The following FLAD1 variants were observed in gnomAD, a reference collection of about 807,000 sequenced individuals.
The protein encoded by FLAD1 is flavin adenine dinucleotide synthetase 1.
Under a neutral mutation model 55.0 loss-of-function variants are expected in FLAD1, and 35 were observed. The ratio of observed to expected loss-of-function variants is 0.64; its 90% CI spans 0.49 to 0.84. FLAD1 has a LOEUF of 0.84. FLAD1 is among the 40% of genes least tolerant of loss of function. FLAD1 has a pLI of 0.00. For synonymous variants in FLAD1, 267 were observed against 303.0 expected (o/e 0.88, Z 1.23); for missense variants, 665 against 742.6 (o/e 0.90, Z 1.21).
Position 154,988,563 on chromosome 1 carries a change from T to A in FLAD1, c.831T>A (p.Val277=). The A allele has an allele frequency of 6.2e-7, 1 of 1,614,210 alleles. No homozygotes were observed. The part of the protein sequence containing the change: ...GMKGLFQNPA[V]QFHSKELYVA... ...AGGGACTATTCCAAAACCCAGCTGTTCAGTTCCACTCAAAGGAGCTATATG... is the reference window on the plus strand; with the variant it reads ...AGGGACTATTCCAAAACCCAGCTGTACAGTTCCACTCAAAGGAGCTATATG... Residue 277 remains valine (V), a synonymous_variant, in exon 2 of 7, where the codon GTT becomes GTA. Transcript: ENST00000292180.
In FLAD1 at chr1:154,993,068, C is replaced by T. The variant is rs765183795; in HGVS notation, c.*31C>T. ...CACCCTAGGAGGGAGGGAAGGACAC[C>T]GTCCTAGGGTATAACCTGGCAATAA... On this transcript the variant is annotated 3_prime_UTR_variant, in exon 7 of 7. Transcript: ENST00000292180. The T allele has an allele frequency of 3.6e-5, 58 of 1,601,298 alleles. 2 individuals carry two copies. In the Middle Eastern group the frequency reaches 1.0e-3, roughly 29 times the overall value.
chr1:154,989,646 G>A lies in FLAD1; in HGVS notation c.1204G>A (p.Gly402Ser). 1 of 1,599,464 alleles carries A rather than the reference G, an allele frequency of 6.3e-7. No homozygotes were observed. ...GTACAGCCTCACCCAGCTCTGTGTG[G>A]GCTTCAACGGGGGCAAAGACTGCAC... is the stretch of plus-strand genomic sequence containing the variant. ...AQYSLTQLCV[G>S]FNGGKDCTAL... Residue 402 changes from glycine to serine, a missense_variant, in exon 3 of 7, where the codon GGC becomes AGC. Physicochemically the swap from Gly to Ser is moderately conservative, Grantham distance 56. Coordinates refer to ENST00000292180, the MANE Select transcript of FLAD1 (RefSeq NM_025207.5).
At chr1:154,990,290 G>T (rs763690147) in intron 4 of FLAD1, 33 bp downstream of exon 4, 12 of 1,613,382 alleles carry the variant, frequency 7.4e-6, no homozygotes, top group Middle Eastern at 3.3e-4. Context: ...GGCTCCAAGA[G>T]AAGCTTGACA....
Position 154,984,084 on chromosome 1 carries a change from A to G in FLAD1, c.372+18A>G. On this transcript the variant is annotated intron_variant, in intron 1 of 6. Coordinates refer to ENST00000292180, the MANE Select transcript of FLAD1 (RefSeq NM_025207.5). ...TCCTTAAGGTGTGTCTGGGACAGAA[A>G]AGGGGGGAGGGCGCTGCGTTCTCCT... 1 of 1,483,952 alleles carries G rather than the reference A, an allele frequency of 6.7e-7. No individual in the cohort carries two copies. The highest frequency in any genetic ancestry group is 9.0e-7 in the Non-Finnish European group (1 of 1,114,086). 91.9% of individuals were successfully genotyped at this position (1,483,952 alleles called of 1,614,324 possible).
At chr1:154,992,838 A>G in intron 6 of FLAD1, 52 bp downstream of exon 6, 1 of 1,613,954 alleles carries the variant, frequency 6.2e-7, no homozygotes, top group East Asian at 2.2e-5. Flanking sequence ...GGGTGCTGGG[A>G]TAGGGAGGGC....
chr1:154,991,225 A>AATATATATATATATATATGTAT (rs1553254617), intron 5 of FLAD1: 1 of 83,164 alleles, frequency 1.2e-5, no homozygotes, highest in East Asian at 3.9e-4. Flanking sequence ...AAAAAAAAAA[A>AATATATATATATATATATGTAT]ATATATATAT....
intron 1 of FLAD1, among the ~76,000 whole-genome samples, chr1:154,985,873 G>A (rs1025614144): frequency 1.3e-5 from 2 of 149,592 alleles, no homozygotes; most frequent in African/African-American, 4.9e-5. Flanking sequence ...TTACAAGCAT[G>A]GGCCACCACG....
chr1:154,983,824 C>A lies in FLAD1; in HGVS notation c.130C>A (p.Leu44Ile). The A allele has an allele frequency of 6.2e-7, 1 of 1,614,184 alleles. No individual in the cohort carries two copies. The highest frequency in any genetic ancestry group is 8.5e-7 in the Non-Finnish European group (1 of 1,180,036). ...GCGCACGCCTGCTCTCCCCCATTGT[C>A]TTTTCTGGCTTCTCCAGGTTCCCTC... ...STRTPALPHC[L>I]FWLLQVPSTQ... The change falls in exon 1 of 7, where the codon CTT becomes ATT. Residue 44 changes from leucine to isoleucine, a missense_variant. Coordinates refer to ENST00000292180, the MANE Select transcript of FLAD1 (RefSeq NM_025207.5).
In FLAD1 at chr1:154,983,381, AG is replaced by A. The variant is rs1187014311; in HGVS notation, c.-310del. On this transcript the variant is annotated 5_prime_UTR_variant, in exon 1 of 7. An upstream open reading frame in the 5' UTR gains an earlier in-frame stop. Coordinates refer to ENST00000292180, the MANE Select transcript of FLAD1 (RefSeq NM_025207.5). The stretch of plus-strand genomic sequence containing the variant: ...AAGGAACAAGGGAAAGAGCCGGTGA[AG>A]GGGCAGAACAGGCAGGTGAGAGTCT... 4.1e-6 allele frequency: 1 copy of A among 244,482 alleles called. No homozygotes were observed. The highest frequency in any genetic ancestry group is 2.2e-5 in the African/African-American group (1 of 44,810). 15.1% of individuals were successfully genotyped at this position (244,482 alleles called of 1,614,324 possible).
intron 1 of FLAD1, among the ~76,000 whole-genome samples, chr1:154,986,575 T>C (rs1010137944): frequency 6.6e-6 from 1 of 152,174 alleles, no homozygotes; most frequent in African/African-American, 2.4e-5. Flanking sequence ...ATTTTATTTT[T>C]CTGTGTGCAT....
intron 5 of FLAD1, 163 bp downstream of exon 5, chr1:154,990,691 A>G (rs1657821319): frequency 3.1e-6 from 2 of 645,654 alleles, no homozygotes; most frequent in Non-Finnish European, 2.5e-6. Context: ...CTTTTGACCA[A>G]TATTTATTGA....
Position 154,989,639 on chromosome 1 carries a change from CTG to C in FLAD1, c.1202_1203del (p.Val401GlyfsTer25), listed in dbSNP as rs1558075965. 6.2e-7 allele frequency: 1 copy of C among 1,601,476 alleles called. No homozygotes were observed. ...TGGCTCAGTACAGCCTCACCCAGCT[CTG>C]TGTGGGCTTCAACGGGGGCAAAGAC... ...SLAQYSLTQL[C>X]VGFNGGKDCT... On this transcript the variant is annotated frameshift_variant, in exon 3 of 7. Transcript: ENST00000292180. LOFTEE classifies it high-confidence loss of function.
chr1:154,992,709 C>T lies in FLAD1; in HGVS notation c.1555-4C>T, dbSNP rs777556047. 17 of 1,614,156 alleles carry T rather than the reference C, an allele frequency of 1.1e-5. No individual in the cohort carries two copies. The South Asian group carries it at 1.9e-4, about 18-fold the overall frequency. ...GTGACTATTCTATTACTCTGACCTC[C>T]CAGGACTGGACCTACAGAGACATCT... On this transcript the variant is annotated splice_polypyrimidine_tract_variant and splice_region_variant and intron_variant, in intron 5 of 6. Coordinates refer to ENST00000292180, the MANE Select transcript of FLAD1 (RefSeq NM_025207.5).
intron 5 of FLAD1, 130 bp downstream of exon 5, chr1:154,990,658 G>A: frequency 2.3e-6 from 2 of 877,680 alleles, no homozygotes; most frequent in Non-Finnish European, 3.3e-6. Context: ...TCCAAGGGAG[G>A]CAGTGCTATC....
Position 154,990,473 on chromosome 1 carries a change from C to T in FLAD1, c.1499C>T (p.Pro500Leu), listed in dbSNP as rs770160617. ...RTDPYSCSLC[P>L]FSPTDPGWPA... ...GACCCCTACTCCTGTAGCCTCTGCC[C>T]TTTCAGCCCCACTGACCCAGGCTGG... Residue 500 changes from proline to leucine, a missense_variant, in exon 5 of 7, where the codon CCT (proline) becomes CTT (leucine). Physicochemically the swap from Pro to Leu is moderately conservative, Grantham distance 98. Transcript: ENST00000292180. 6.2e-7 allele frequency: 1 copy of T among 1,613,850 alleles called. No individual in the cohort carries two copies. Among genetic ancestry groups the T allele is most frequent in the East Asian group, 2.2e-5 (1 of 44,886 alleles).
intron 4 of FLAD1, 37 bp downstream of exon 4, chr1:154,990,294 C>T (rs770034361): frequency 3.5e-5 from 57 of 1,613,262 alleles, no homozygotes; most frequent in Non-Finnish European, 4.8e-5. Flanking sequence ...CCAAGAGAAG[C>T]TTGACAGAGC....
At chr1:154,989,968 G>A (rs545653890) in intron 3 of FLAD1, among the ~76,000 whole-genome samples, 191 bp from the exon 4 acceptor site, 14 of 152,132 alleles carry the variant, frequency 9.2e-5, no homozygotes, top group Non-Finnish European at 1.8e-4. Context: ...CCAGGGATGC[G>A]TGCTTAGATT....
In FLAD1 at chr1:154,993,000, T is replaced by C. The variant is rs1376746999; in HGVS notation, c.1727T>C (p.Leu576Pro). Residue 576 changes from leucine (L) to proline (P), a missense_variant, in exon 7 of 7, where the codon CTG becomes CCG. By Grantham distance (98) the Leu-to-Pro change is moderately conservative. Coordinates refer to ENST00000292180, the MANE Select transcript of FLAD1 (RefSeq NM_025207.5). ...CCCACATACCGTCCAGCCTATCTACTGGAGAACGAAGAAGAGGAGCGGAAC... is the reference window on the plus strand; with the variant it reads ...CCCACATACCGTCCAGCCTATCTACCGGAGAACGAAGAAGAGGAGCGGAAC... The part of the protein sequence containing the change: ...GHPTYRPAYL[L>P]ENEEEERNSR... 1.2e-6 allele frequency: 2 copies of C among 1,614,040 alleles called. No homozygotes were observed. Among genetic ancestry groups the C allele is most frequent in the Non-Finnish European group, 1.7e-6 (2 of 1,179,980 alleles).
Position 154,993,021 on chromosome 1 carries a change from G to A in FLAD1, c.1748G>A (p.Arg583Gln), listed in dbSNP as rs571357479. 5.7e-5 allele frequency: 92 copies of A among 1,613,896 alleles called. No individual in the cohort carries two copies. The highest frequency in any genetic ancestry group is 7.5e-5 in the Non-Finnish European group (88 of 1,179,982). ...CTACTGGAGAACGAAGAAGAGGAGCGGAACTCCCGCACATGACCTCCCACC... is the reference window on the plus strand; with the variant it reads ...CTACTGGAGAACGAAGAAGAGGAGCAGAACTCCCGCACATGACCTCCCACC... ...AYLLENEEEE[R>Q]NSRT is the part of the protein sequence containing the mutation. The change falls in exon 7 of 7, where the codon CGG becomes CAG. Residue 583 changes from arginine (R) to glutamine (Q), a missense_variant. By Grantham distance (43) the Arg-to-Gln change is conservative (BLOSUM62 1). Coordinates refer to ENST00000292180, the MANE Select transcript of FLAD1 (RefSeq NM_025207.5).
Sources: gnomAD v4.1 joint callset for allele counts (sites outside exome capture counted in the v4.1 genomes callset) on GRCh38, gnomAD v4.1.1 for gene constraint, MANE v1.5 for transcripts, NCBI Gene and HGNC (gene_info 2026-07-23, HGNC 2026-07-21) for gene names.